SRGAP3: variants seen among roughly 807,000 people sequenced by gnomAD.
The protein encoded by SRGAP3 is SLIT-ROBO Rho GTPase-activating protein 3.
A neutral mutation model predicts 121.1 loss-of-function variants in SRGAP3; 39 were observed. The observed-to-expected ratio is 0.32, with a 90% CI of 0.25 to 0.42. The LOEUF is 0.42. Among genes scored for constraint, SRGAP3 ranks in the 10% least tolerant of loss-of-function variants. The pLI, the probability that SRGAP3 is intolerant of heterozygous loss-of-function variation, is 1.00. For missense variants in SRGAP3, 1,213 were observed against 1,470.6 expected, an observed-to-expected ratio of 0.82 and a Z score of 2.86; for synonymous variants, 601 against 570.0, an observed-to-expected ratio of 1.05 and a Z score of -0.77.
chr3:9,230,710 A>AT (rs938877682), intron 1 of SRGAP3, among the ~76,000 whole-genome samples: 2 of 151,682 alleles, frequency 1.3e-5, no homozygotes, highest in South Asian at 2.1e-4. Flanking sequence ...TCTCTACAAA[A>AT]TTTTTTTTTA....
chr3:9,158,337 A>G (rs1265361949), intron 1 of SRGAP3, among the ~76,000 whole-genome samples: 2 of 152,202 alleles, frequency 1.3e-5, no homozygotes, highest in Admixed American at 6.5e-5. Flanking sequence ...CAAACGCCAG[A>G]GAAGGGCAGT....
intron 13 of SRGAP3, 56 bp from the exon 14 acceptor site, chr3:9,025,394 T>G (rs1260777766): frequency 2.6e-6 from 4 of 1,560,288 alleles, no homozygotes; most frequent in Non-Finnish European, 3.5e-6. Flanking sequence ...CTTGAGTTCA[T>G]TAGACTACCG....
At chr3:9,064,300 G>T in intron 5 of SRGAP3, 96 bp downstream of exon 5, 1 of 1,534,970 alleles carries the variant, frequency 6.5e-7, no homozygotes, top group Non-Finnish European at 8.9e-7. Flanking sequence ...TGGGATGCAG[G>T]GGAATAAGGG....
chr3:9,012,540 T>C (rs1574905495), intron 17 of SRGAP3, among the ~76,000 whole-genome samples: 1 of 152,190 alleles, frequency 6.6e-6, no homozygotes, highest in African/African-American at 2.4e-5. Flanking sequence ...GTACCAGGTA[T>C]ACCAGGCACA....
intron 1 of SRGAP3, among the ~76,000 whole-genome samples, chr3:9,128,780 C>A (rs1949334817): frequency 6.6e-6 from 1 of 152,202 alleles, no homozygotes; most frequent in African/African-American, 2.4e-5. Flanking sequence ...AATGCTACTG[C>A]TCCCAACAGC....
chr3:9,032,504 G>A (rs1944534690), intron 12 of SRGAP3, 146 bp downstream of exon 12: 1 of 766,092 alleles, frequency 1.3e-6, no homozygotes, highest in Non-Finnish European at 2.3e-6. Flanking sequence ...AAAAGTCCTT[G>A]CTGAAGCTAA....
chr3:9,280,236 A>G (rs890372055), intron 3 of SRGAP3, among the ~76,000 whole-genome samples: 2 of 152,254 alleles, frequency 1.3e-5, no homozygotes, highest in African/African-American at 4.8e-5. Context: ...GGGCCGATTC[A>G]GAGCCTGTGA....
At position 9,327,422 on chromosome 3, in the gene SRGAP3, C is replaced by T. The variant is rs187165003; in HGVS notation, n.284-1254G>A. 1.7e-4 allele frequency among the ~76,000 whole-genome samples: 26 copies of T among 149,702 alleles called. No homozygotes were observed. The East Asian group carries it at 3.9e-3, about 22-fold the overall frequency. The stretch of plus-strand genomic sequence containing the variant: ...ACCCTCTAACCTAGGCAAAAATTTA[C>T]ATTTCCATACCTTCTTATAATCCCT... On this transcript the variant is annotated intron_variant and non_coding_transcript_variant, in intron 2 of 3. Transcript: ENST00000490889.
chr3:9,209,178 G>T (rs1952359433), intron 1 of SRGAP3, among the ~76,000 whole-genome samples: 1 of 152,170 alleles, frequency 6.6e-6, no homozygotes. Context: ...ACTGTAAAAT[G>T]TTCACAGGGG....
At chr3:9,226,127 G>A (rs1952980457) in intron 1 of SRGAP3, among the ~76,000 whole-genome samples, 1 of 152,080 alleles carries the variant, frequency 6.6e-6, no homozygotes, top group Non-Finnish European at 1.5e-5. Flanking sequence ...CCCAACCCCC[G>A]ACCCCTATCT....
intron 4 of SRGAP3, among the ~76,000 whole-genome samples, chr3:9,069,742 T>A (rs746349272): frequency 2.7e-5 from 4 of 150,158 alleles, no homozygotes; most frequent in Non-Finnish European, 5.9e-5. Flanking sequence ...AGATCAGGAG[T>A]TTGAGACCAG....
intron 1 of SRGAP3, among the ~76,000 whole-genome samples, chr3:9,356,403 C>T (rs1181227582): frequency 7.1e-5 from 9 of 127,160 alleles, no homozygotes; most frequent in Admixed American, 2.9e-4. Flanking sequence ...GACAGAGTCC[C>T]GCTCTATCGC....
At chr3:9,310,717 A>G (rs996730670) in intron 3 of SRGAP3, among the ~76,000 whole-genome samples, 7 of 152,218 alleles carry the variant, frequency 4.6e-5, no homozygotes, top group Admixed American at 6.5e-5. Context: ...AGAAGGATCA[A>G]ACTAGGTCTT....
At chr3:9,254,249 G>C (rs890332223), upstream of SRGAP3, among the ~76,000 whole-genome samples, 5 of 152,152 alleles carry the variant, frequency 3.3e-5, no homozygotes, top group Non-Finnish European at 5.9e-5. Flanking sequence ...CCATATGATG[G>C]AATATTACTC....
chr3:9,247,082 A>AACCT (rs568756268), intron 1 of SRGAP3, among the ~76,000 whole-genome samples: 263 of 152,304 alleles, frequency 1.7e-3, no homozygotes, highest in African/African-American at 6.1e-3. Flanking sequence ...AATATCATAA[A>AACCT]ACCTGAACTG....
intron 1 of SRGAP3, among the ~76,000 whole-genome samples, chr3:9,137,276 T>C (rs1029345012): frequency 6.6e-6 from 1 of 152,168 alleles, no homozygotes; most frequent in Non-Finnish European, 1.5e-5. Context: ...TTCAGGGTAG[T>C]AAAGGCCAGG....
chr3:9,072,643 C>T (rs2675173), intron 4 of SRGAP3, among the ~76,000 whole-genome samples: 88,124 of 152,104 alleles, frequency 0.58, 26,780 homozygotes, highest in African/African-American at 0.77. Flanking sequence ...GATCAATGCC[C>T]GGCAGGAGCC....
chr3:9,228,196 A>C (rs1184155948), intron 1 of SRGAP3, among the ~76,000 whole-genome samples: 1 of 152,102 alleles, frequency 6.6e-6, no homozygotes, highest in African/African-American at 2.4e-5. Flanking sequence ...CTTCTGGGAT[A>C]GGGAGGTGTA....
chr3:9,345,873 A>T (rs1575023031), intron 1 of SRGAP3, among the ~76,000 whole-genome samples: 1 of 152,232 alleles, frequency 6.6e-6, no homozygotes, highest in Non-Finnish European at 1.5e-5. Context: ...TGTCATAGTA[A>T]TCTAGGCCAT....
Sources: gnomAD v4.1 joint callset for allele counts (sites outside exome capture counted in the v4.1 genomes callset) on GRCh38, gnomAD v4.1.1 for gene constraint, MANE v1.5 for transcripts, NCBI Gene and HGNC (gene_info 2026-07-23, HGNC 2026-07-21) for gene names.